RBFOX1: variants seen among roughly 807,000 people sequenced by gnomAD.
RBFOX1 encodes RNA binding protein fox-1 homolog 1.
In RBFOX1, 8 loss-of-function variants were observed where a neutral mutation model predicts 57.7. The ratio of observed to expected loss-of-function variants is 0.14; its 90% CI spans 0.08 to 0.25. The LOEUF is 0.25. Ranked by LOEUF, RBFOX1 falls within the 10% of genes least tolerant of loss-of-function variation. The probability of loss-of-function intolerance (pLI) is 1.00; values close to 1 mark genes in which losing one functional copy is unlikely to be tolerated. For missense variants in RBFOX1, 611 were observed against 548.5 expected (o/e 1.11, Z -1.14); for synonymous variants, 326 against 222.4 (o/e 1.47, Z -4.15).
At chr16:5,638,957 C>G (rs2048774133) in intron 3 of RBFOX1, among the ~76,000 whole-genome samples, 1 of 152,150 alleles carries the variant, frequency 6.6e-6, no homozygotes, top group Non-Finnish European at 1.5e-5. Context: ...TACAGAAATG[C>G]CATTCTCTCC....
chr16:5,531,263 T>C (rs912108183), intron 2 of RBFOX1, among the ~76,000 whole-genome samples: 15 of 152,136 alleles, frequency 9.9e-5, no homozygotes, highest in Admixed American at 8.5e-4. Flanking sequence ...AGCAAAGGGA[T>C]GGGGTGGGAA....
chr16:5,969,392 A>G (rs1255529128), intron 4 of RBFOX1, among the ~76,000 whole-genome samples: 1 of 139,498 alleles, frequency 7.2e-6, no homozygotes, highest in Non-Finnish European at 1.5e-5. Flanking sequence ...GCTCACTGCA[A>G]CCTCTGCCTT....
At chr16:7,613,400 G>A (rs975425268) in intron 10 of RBFOX1, among the ~76,000 whole-genome samples, 4 of 152,278 alleles carry the variant, frequency 2.6e-5, no homozygotes, top group Admixed American at 2.6e-4. Flanking sequence ...ATCACAGACT[G>A]TAAAATAGAA....
chr16:6,156,148 A>C (rs902406581), intron 1 of RBFOX1, among the ~76,000 whole-genome samples: 3 of 152,190 alleles, frequency 2.0e-5, no homozygotes, highest in Non-Finnish European at 4.4e-5. Context: ...TTTCTAAAAC[A>C]TTTTTAAGAA....
At chr16:6,410,361 G>A (rs1312507953) in intron 2 of RBFOX1, among the ~76,000 whole-genome samples, 1 of 149,038 alleles carries the variant, frequency 6.7e-6, no homozygotes, top group Non-Finnish European at 1.5e-5. Flanking sequence ...AGGCTGGAGG[G>A]AGGGCAGTGG....
At chr16:5,597,160 C>A (rs902757683) in intron 2 of RBFOX1, among the ~76,000 whole-genome samples, 5 of 151,960 alleles carry the variant, frequency 3.3e-5, no homozygotes, top group Non-Finnish European at 7.4e-5. Context: ...TTCTGTCCCC[C>A]TCTGTTTCTC....
intron 4 of RBFOX1, among the ~76,000 whole-genome samples, chr16:7,203,516 A>C (rs1353278943): frequency 5.3e-5 from 8 of 152,226 alleles, no homozygotes; most frequent in South Asian, 2.1e-4. Context: ...TGTATGCTTA[A>C]AATGGTTAAG....
intron 2 of RBFOX1, among the ~76,000 whole-genome samples, chr16:6,346,059 TTTATCTCAGTGAGCAGAGGGATGAC>T (rs1479657717): frequency 3.9e-5 from 6 of 152,122 alleles, no homozygotes; most frequent in Non-Finnish European, 7.3e-5. Context: ...CAGGTATGCA[TTTATCTCAGTGAGCAGAGGGATGAC>T]TTTGAATAGA....
chr16:5,679,855 C>T (rs991371422), intron 3 of RBFOX1, among the ~76,000 whole-genome samples: 1 of 152,112 alleles, frequency 6.6e-6, no homozygotes, highest in Admixed American at 6.5e-5. Context: ...TGTAGTGAGG[C>T]TTATATTAAA....
chr16:6,152,324 C>G (rs1297455592), intron 1 of RBFOX1, among the ~76,000 whole-genome samples: 1 of 152,162 alleles, frequency 6.6e-6, no homozygotes, highest in African/African-American at 2.4e-5. Context: ...CTCCTGCTCT[C>G]TGTCTTTCTC....
chr16:5,935,686 G>C (rs1196523367), intron 4 of RBFOX1, among the ~76,000 whole-genome samples: 1 of 152,182 alleles, frequency 6.6e-6, no homozygotes, highest in East Asian at 1.9e-4. Flanking sequence ...GAGTCAGCAA[G>C]GTCTCAGATG....
intron 1 of RBFOX1, among the ~76,000 whole-genome samples, chr16:6,187,188 G>A (rs1450860564): frequency 6.6e-6 from 1 of 152,020 alleles, no homozygotes; most frequent in Non-Finnish European, 1.5e-5. Context: ...GCTTTCATGG[G>A]GGAAACAGGA....
rs113870157 is a variant in RBFOX1, at chr16:5,994,150, C to T, written c.351+126815C>T. On this transcript the variant is annotated intron_variant, in intron 4 of 19. Transcript: ENST00000641259. ...ATGGGTGTATTGCTAACGCAGATGC[C>T]AATTCATTGGGTTTTTTGTTTATGT... 4.7e-3 allele frequency among the ~76,000 whole-genome samples: 721 copies of T among 152,098 alleles called. 10 individuals carry two copies. The highest frequency in any genetic ancestry group is 0.016 in the African/African-American group (682 of 41,480).
chr16:5,787,765 A>C (rs754156569), intron 3 of RBFOX1, among the ~76,000 whole-genome samples: 18 of 152,196 alleles, frequency 1.2e-4, no homozygotes, highest in Non-Finnish European at 2.5e-4. Flanking sequence ...TGGAACAGTC[A>C]AGCCTCCATG....
At chr16:7,481,410 C>G (rs1189521429) in intron 4 of RBFOX1, among the ~76,000 whole-genome samples, 2 of 152,144 alleles carry the variant, frequency 1.3e-5, no homozygotes, top group Non-Finnish European at 2.9e-5. Flanking sequence ...TATTCAGATA[C>G]TTCTCATAAT....
At chr16:6,596,034 T>C (rs2097773629) in intron 2 of RBFOX1, among the ~76,000 whole-genome samples, 2 of 152,096 alleles carry the variant, frequency 1.3e-5, no homozygotes, top group South Asian at 4.1e-4. Context: ...AATTTTCAAA[T>C]CACATGTGAT....
chr16:7,461,226 G>T (rs1232464830), intron 4 of RBFOX1, among the ~76,000 whole-genome samples: 1 of 151,660 alleles, frequency 6.6e-6, no homozygotes, highest in Non-Finnish European at 1.5e-5. Flanking sequence ...GGAGTGCAGT[G>T]GCACTATCTC....
intron 14 of RBFOX1, among the ~76,000 whole-genome samples, chr16:7,683,848 A>G (rs916718260): frequency 6.6e-6 from 1 of 151,870 alleles, no homozygotes; most frequent in Non-Finnish European, 1.5e-5. Flanking sequence ...TGCTAAAAAA[A>G]AACCTGCATT....
intron 3 of RBFOX1, among the ~76,000 whole-genome samples, chr16:6,892,672 C>G (rs1596366202): frequency 1.4e-5 from 2 of 144,212 alleles, no homozygotes; most frequent in East Asian, 2.1e-4. Flanking sequence ...TGTCTCGAAA[C>G]AAACAAACAA....
Sources: allele counts gnomAD v4.1 joint callset (sites outside exome capture counted in the v4.1 genomes callset), GRCh38; gene constraint gnomAD v4.1.1; transcripts MANE v1.5; gene names NCBI Gene and HGNC (gene_info 2026-07-23, HGNC 2026-07-21).